Variants in CTNNA2 observed in about 807,000 individuals in gnomAD.
CTNNA2 encodes the protein catenin alpha 2, also known as catenin alpha-2.
Under a neutral mutation model 101.0 loss-of-function variants are expected in CTNNA2, and 42 were observed. The ratio of observed to expected loss-of-function variants is 0.42; its 90% CI spans 0.32 to 0.54. CTNNA2 has a LOEUF of 0.54. Ranked by LOEUF, CTNNA2 falls within the 20% of genes least tolerant of loss-of-function variation. The pLI, the probability that CTNNA2 is intolerant of heterozygous loss-of-function variation, is 0.14. For missense variants in CTNNA2, 871 were observed against 1,223.1 expected (o/e 0.71, Z 4.29); for synonymous variants, 450 against 456.4 (o/e 0.99, Z 0.18).
chr2:79,798,667 T>C (rs72824549), intron 3 of CTNNA2, among the ~76,000 whole-genome samples: 18,588 of 150,944 alleles, frequency 0.12, 1,713 homozygotes, highest in East Asian at 0.37. Flanking sequence ...CCTTCGAAGA[T>C]GACTCAAAAG....
chr2:80,231,394 C>T (rs1211301303), intron 7 of CTNNA2, among the ~76,000 whole-genome samples: 2 of 152,168 alleles, frequency 1.3e-5, no homozygotes, highest in African/African-American at 2.4e-5. Context: ...ATACATGCCT[C>T]AGGTCATCTT....
intron 7 of CTNNA2, among the ~76,000 whole-genome samples, chr2:80,210,942 T>G (rs2149035069): frequency 6.6e-6 from 1 of 152,344 alleles, no homozygotes; most frequent in African/African-American, 2.4e-5. Context: ...ATTGTGGTTT[T>G]GATTTGCATT....
At chr2:80,187,127 C>T (rs970080174) in intron 7 of CTNNA2, among the ~76,000 whole-genome samples, 27 of 152,142 alleles carry the variant, frequency 1.8e-4, no homozygotes, top group African/African-American at 6.5e-4. Context: ...TTGTAGTACA[C>T]ACATTTCTAT....
At chr2:80,087,973 G>A (rs906217444) in intron 7 of CTNNA2, among the ~76,000 whole-genome samples, 9 of 151,960 alleles carry the variant, frequency 5.9e-5, no homozygotes, top group African/African-American at 1.7e-4. Context: ...GCTGAATCAC[G>A]TATTAATCAC....
At chr2:80,001,785 T>TA (rs1558717414) in intron 7 of CTNNA2, among the ~76,000 whole-genome samples, 9 of 152,212 alleles carry the variant, frequency 5.9e-5, no homozygotes, top group African/African-American at 9.6e-5. Context: ...ACCAGGACAG[T>TA]GCTGTCGTCA....
chr2:79,770,121 A>G (rs1259109997), intron 3 of CTNNA2, among the ~76,000 whole-genome samples: 4 of 152,168 alleles, frequency 2.6e-5, no homozygotes, highest in Non-Finnish European at 2.9e-5. Flanking sequence ...GAGTGCTTCT[A>G]CCATCTAGGG....
At chr2:80,175,805 A>G (rs1705358378) in intron 7 of CTNNA2, among the ~76,000 whole-genome samples, 1 of 152,232 alleles carries the variant, frequency 6.6e-6, no homozygotes, top group African/African-American at 2.4e-5. Context: ...CTAAGGCCCA[A>G]GAGCCTCGGC....
chr2:79,840,109 GATA>G (rs1052477756), intron 3 of CTNNA2, among the ~76,000 whole-genome samples: 6 of 152,208 alleles, frequency 3.9e-5, no homozygotes, highest in Non-Finnish European at 8.8e-5. Flanking sequence ...AATACTGTGT[GATA>G]ATAAGTTATC....
At chr2:79,351,626 T>A (rs1184102188) in intron 3 of CTNNA2, among the ~76,000 whole-genome samples, 1 of 152,134 alleles carries the variant, frequency 6.6e-6, no homozygotes, top group Non-Finnish European at 1.5e-5. Flanking sequence ...CATCTATTGT[T>A]CCCATTTTTA....
In CTNNA2 at chr2:80,555,769, T is replaced by C; in HGVS notation, c.1617T>C (p.Thr539=). The C allele has an allele frequency of 1.2e-6, 2 of 1,600,136 alleles. No homozygotes were observed. The highest frequency in any genetic ancestry group is 1.7e-6 in the Non-Finnish European group (2 of 1,173,542). The change falls in exon 12 of 19, where the codon ACT becomes ACC. Residue 539 remains threonine (T), a synonymous_variant. Transcript: ENST00000402739. ...GCGATGTGGACACTCTGGACCGGAC[T>C]GCAGGGGCCATCAGGGGCCGGGCAG... is the stretch of plus-strand genomic sequence containing the variant. ...QEGDVDTLDR[T]AGAIRGRAAR... is the part of the protein sequence containing the mutation.
chr2:79,833,505 A>G (rs1679080563), intron 3 of CTNNA2, among the ~76,000 whole-genome samples: 1 of 152,158 alleles, frequency 6.6e-6, no homozygotes, highest in South Asian at 2.1e-4. Flanking sequence ...AGTAATCATT[A>G]CCCTTTCTAG....
intron 7 of CTNNA2, among the ~76,000 whole-genome samples, chr2:80,091,106 A>C (rs1204718629): frequency 6.6e-6 from 1 of 152,128 alleles, no homozygotes; most frequent in Admixed American, 6.6e-5. Context: ...AGTAGTTTTA[A>C]AGTTTGATTA....
At chr2:79,947,258 AT>A (rs1200843902) in intron 7 of CTNNA2, among the ~76,000 whole-genome samples, 4 of 152,128 alleles carry the variant, frequency 2.6e-5, no homozygotes, top group Non-Finnish European at 5.9e-5. Context: ...AAAGCCCTTT[AT>A]TCATGTTTAT....
At chr2:79,655,848 CT>C (rs1005584782) in intron 2 of CTNNA2, among the ~76,000 whole-genome samples, 6 of 150,856 alleles carry the variant, frequency 4.0e-5, no homozygotes, top group African/African-American at 1.5e-4. Context: ...AAAAAAATGT[CT>C]TTTTCATATA....
At chr2:79,871,587 C>A (rs1014457553) in intron 5 of CTNNA2, among the ~76,000 whole-genome samples, 1 of 152,078 alleles carries the variant, frequency 6.6e-6, no homozygotes, top group East Asian at 1.9e-4. Context: ...TGTCGTTGCC[C>A]CCAGCCGACT....
chr2:80,045,218 G>A (rs10865448), intron 7 of CTNNA2, among the ~76,000 whole-genome samples: 130,119 of 152,190 alleles, frequency 0.85, 55,836 homozygotes, highest in East Asian at 0.98. Context: ...TCTGTGATCT[G>A]TCCATTAAAG....
chr2:80,496,523 C>G (rs1687488615), intron 9 of CTNNA2, among the ~76,000 whole-genome samples: 1 of 151,250 alleles, frequency 6.6e-6, no homozygotes, highest in Admixed American at 6.6e-5. Flanking sequence ...CACTAGCTAG[C>G]TAGCTATATG....
At chr2:80,442,140 G>C (rs1682645970) in intron 9 of CTNNA2, among the ~76,000 whole-genome samples, 1 of 152,190 alleles carries the variant, frequency 6.6e-6, no homozygotes, top group African/African-American at 2.4e-5. Context: ...GGCCATCCTT[G>C]TGATTCTCCT....
intron 1 of CTNNA2, among the ~76,000 whole-genome samples, chr2:79,582,325 A>G (rs1371442177): frequency 6.6e-6 from 1 of 152,356 alleles, no homozygotes; most frequent in Middle Eastern, 3.4e-3. Flanking sequence ...CGTACACAAG[A>G]GTAGAGAGTT....
Sources: allele counts gnomAD v4.1 joint callset (sites outside exome capture counted in the v4.1 genomes callset), GRCh38; gene constraint gnomAD v4.1.1; transcripts MANE v1.5; gene names NCBI Gene and HGNC (gene_info 2026-07-23, HGNC 2026-07-21).